Variants in CACNB4 observed in about 807,000 individuals in gnomAD.
CACNB4 encodes calcium voltage-gated channel auxiliary subunit beta 4, also known as voltage-dependent L-type calcium channel subunit beta-4.
Under a neutral mutation model 71.2 loss-of-function variants are expected in CACNB4, and 32 were observed. The observed-to-expected ratio is 0.45, with a 90% CI of 0.34 to 0.60. The LOEUF is 0.60. Ranked by LOEUF, CACNB4 falls within the 20% of genes least tolerant of loss-of-function variation. The probability of loss-of-function intolerance (pLI) is 0.01; values close to 1 mark genes in which losing one functional copy is unlikely to be tolerated. For missense variants in CACNB4, 464 were observed against 647.9 expected (o/e 0.72, Z 3.08); for synonymous variants, 231 against 236.9 (o/e 0.97, Z 0.23).
intron 2 of CACNB4, among the ~76,000 whole-genome samples, chr2:151,890,916 G>C (rs144813617): frequency 1.6e-3 from 248 of 152,246 alleles, no homozygotes; most frequent in African/African-American, 5.8e-3. Context: ...TTCTAAGGTA[G>C]CACTGAGAGT....
chr2:151,875,470 G>A (rs1451577790), intron 5 of CACNB4, among the ~76,000 whole-genome samples: 76 of 151,904 alleles, frequency 5.0e-4, no homozygotes, highest in Non-Finnish European at 9.7e-4. Flanking sequence ...CCACAAAACC[G>A]CCATCGTCAT....
chr2:151,920,469 C>A (rs757208961), intron 2 of CACNB4, among the ~76,000 whole-genome samples: 1 of 151,790 alleles, frequency 6.6e-6, no homozygotes, highest in Non-Finnish European at 1.5e-5. Flanking sequence ...ACTACAGGCA[C>A]GTGCCACCAC....
At chr2:151,978,986 TG>T (rs1269119647) in intron 2 of CACNB4, among the ~76,000 whole-genome samples, 3 of 152,042 alleles carry the variant, frequency 2.0e-5, no homozygotes, top group Non-Finnish European at 2.9e-5. Context: ...CACTGAACGC[TG>T]TGTGTTTCCT....
At chr2:151,913,895 C>T (rs2151545745) in intron 2 of CACNB4, among the ~76,000 whole-genome samples, 1 of 152,192 alleles carries the variant, frequency 6.6e-6, no homozygotes, top group African/African-American at 2.4e-5. Context: ...TACTCTCTGG[C>T]TGCCCTTAAC....
intron 2 of CACNB4, chr2:151,971,419 T>C: frequency 2.9e-6 from 2 of 687,138 alleles, no homozygotes; most frequent in South Asian, 3.1e-5. Context: ...CGAAGTGCCG[T>C]ACTCAGCTTT....
intron 2 of CACNB4, among the ~76,000 whole-genome samples, chr2:152,043,072 G>A (rs1293017054): frequency 6.6e-6 from 1 of 152,126 alleles, no homozygotes; most frequent in Non-Finnish European, 1.5e-5. Context: ...TCTAAAAAAA[G>A]GAGGAACCTT....
At position 152,065,125 on chromosome 2, in the gene CACNB4, G is replaced by A. The variant is rs923738537; in HGVS notation, c.147+33205C>T. ...AAACCCAGAATAGTTCCAACTTTAA[G>A]AGAAGTTAGCACTTTGGGAGACCGA... On this transcript the variant is annotated intron_variant, in intron 2 of 13. Transcript: ENST00000539935. Among the ~76,000 whole-genome samples, 53 of 152,304 alleles carry A rather than the reference G, an allele frequency of 3.5e-4. 1 individual carries two copies. The highest frequency in any genetic ancestry group is 7.3e-5 in the Non-Finnish European group (5 of 68,030).
intron 2 of CACNB4, among the ~76,000 whole-genome samples, chr2:151,888,568 A>C (rs2099849945): frequency 6.6e-6 from 1 of 152,170 alleles, no homozygotes; most frequent in Admixed American, 6.6e-5. Context: ...CTGTCTCAAA[A>C]AAATAAATAA....
intron 2 of CACNB4, among the ~76,000 whole-genome samples, chr2:151,923,616 A>G (rs998087515): frequency 4.6e-5 from 7 of 152,226 alleles, no homozygotes; most frequent in African/African-American, 1.7e-4. Context: ...TCTTGGCCAG[A>G]TAATTTCAGA....
At chr2:152,017,098 C>T (rs1290431988) in intron 2 of CACNB4, among the ~76,000 whole-genome samples, 6 of 148,486 alleles carry the variant, frequency 4.0e-5, no homozygotes, top group Non-Finnish European at 7.3e-5. Flanking sequence ...ATGAGACAAG[C>T]TTAGCCCAGA....
intron 2 of CACNB4, among the ~76,000 whole-genome samples, chr2:152,028,295 A>G (rs1040213838): frequency 1.3e-5 from 2 of 152,230 alleles, no homozygotes; most frequent in Non-Finnish European, 2.9e-5. Context: ...GAAAAGCTGC[A>G]CTACAAAATT....
In CACNB4 at chr2:151,884,172, C is replaced by T. The variant is rs897062283; in HGVS notation, c.148-802G>A. ...AAAATTAGCCGGGCATGGTGGGGGG[C>T]GCCTGTAATCCCAGCTACTCGGGAG... is the stretch of plus-strand genomic sequence containing the variant. On this transcript the variant is annotated intron_variant, in intron 2 of 13. Transcript: ENST00000539935. The T allele has an allele frequency of 2.7e-5, 4 of 150,932 alleles. No individual in the cohort carries two copies. The South Asian group carries it at 6.3e-4, about 24-fold the overall frequency. The allele number at this position is 150,932 out of a possible 1,614,324, so 9.3% of individuals were successfully genotyped here.
chr2:151,977,593 G>C (rs1253114942), intron 2 of CACNB4, among the ~76,000 whole-genome samples: 3 of 152,218 alleles, frequency 2.0e-5, no homozygotes, highest in Admixed American at 1.3e-4. Context: ...TTTGGACAGA[G>C]AGAAGAAGGA....
intron 2 of CACNB4, among the ~76,000 whole-genome samples, chr2:151,989,552 A>G (rs73013203): frequency 0.012 from 1,778 of 152,148 alleles, 37 homozygotes; most frequent in African/African-American, 0.041. Context: ...TTCTCTGGCC[A>G]TTCTTTCTTG....
intron 2 of CACNB4, among the ~76,000 whole-genome samples, chr2:152,060,516 G>A (rs1475215909): frequency 6.6e-6 from 1 of 152,178 alleles, no homozygotes; most frequent in South Asian, 2.1e-4. Context: ...AATGTATCAA[G>A]GACTGTAAAA....
intron 3 of CACNB4, among the ~76,000 whole-genome samples, chr2:151,882,038 G>A (rs1378004993): frequency 4.0e-5 from 6 of 151,538 alleles, no homozygotes; most frequent in African/African-American, 1.2e-4. Context: ...ACACCACCAC[G>A]CCCAGCTATT....
At chr2:151,997,406 C>T (rs1274371495) in intron 2 of CACNB4, among the ~76,000 whole-genome samples, 1 of 152,020 alleles carries the variant, frequency 6.6e-6, no homozygotes, top group Non-Finnish European at 1.5e-5. Context: ...TGGTGGCGGG[C>T]GCCTCTAGTC....
At chr2:152,024,047 C>CT (rs1683826651) in intron 2 of CACNB4, among the ~76,000 whole-genome samples, 1 of 152,160 alleles carries the variant, frequency 6.6e-6, no homozygotes, top group Admixed American at 6.5e-5. Flanking sequence ...TGGCTGGGCA[C>CT]AGTGGCTCAC....
intron 5 of CACNB4, 48 bp downstream of exon 5, chr2:151,876,378 C>T (rs182238044): frequency 7.8e-6 from 12 of 1,546,622 alleles, no homozygotes; most frequent in Middle Eastern, 1.7e-4. Flanking sequence ...GAAAATATCA[C>T]CCAATTTTCT....
Sources: gnomAD v4.1 joint callset for allele counts (sites outside exome capture counted in the v4.1 genomes callset) on GRCh38, gnomAD v4.1.1 for gene constraint, MANE v1.5 for transcripts, NCBI Gene and HGNC (gene_info 2026-07-23, HGNC 2026-07-21) for gene names.